FAM120A: variants seen among roughly 807,000 people sequenced by gnomAD.
FAM120A encodes the protein family with sequence similarity 120 member A.
A neutral mutation model predicts 109.7 loss-of-function variants in FAM120A; 15 were observed. The observed-to-expected ratio is 0.14, with a 90% CI of 0.09 to 0.21. The LOEUF is 0.21. FAM120A is among the 10% of genes least tolerant of loss of function. FAM120A has a pLI of 1.00. For missense variants in FAM120A, 899 were observed against 1,439.3 expected (o/e 0.62, Z 6.07); for synonymous variants, 493 against 572.8 (o/e 0.86, Z 1.99).
intron 3 of FAM120A, among the ~76,000 whole-genome samples, chr9:93,491,550 C>G (rs1291609254): frequency 1.3e-5 from 2 of 152,172 alleles, no homozygotes; most frequent in African/African-American, 4.8e-5. Context: ...TCCACCCAAA[C>G]AGTATCTATT....
rs114068858 is a variant in FAM120A at position 93,515,083 on chromosome 9, A to T, written c.1031-584A>T. On this transcript the variant is annotated intron_variant, in intron 5 of 17. Coordinates refer to ENST00000277165, the MANE Select transcript of FAM120A (RefSeq NM_014612.5). Reference sequence around the variant, plus strand: ...TTAAGAGAACACAGAATCACAAATTACTCATCCTGTATATGTGTTAAAATG... The same window carrying T: ...TTAAGAGAACACAGAATCACAAATTTCTCATCCTGTATATGTGTTAAAATG... Among the ~76,000 whole-genome samples, 1,260 of 146,390 alleles carry T rather than the reference A, an allele frequency of 8.6e-3. 16 individuals are homozygous for T. The highest frequency in any genetic ancestry group is 0.03 in the African/African-American group (1,213 of 41,114).
At chr9:93,508,201 G>T (rs573014550) in intron 5 of FAM120A, among the ~76,000 whole-genome samples, 1 of 152,216 alleles carries the variant, frequency 6.6e-6, no homozygotes, top group East Asian at 1.9e-4. Flanking sequence ...AGGCTGCTGT[G>T]TGTCAGAGAA....
chr9:93,511,141 C>T (rs1182924571), intron 5 of FAM120A, among the ~76,000 whole-genome samples: 3 of 151,946 alleles, frequency 2.0e-5, no homozygotes, highest in South Asian at 2.1e-4. Context: ...CCCGCTGTTC[C>T]GAATTCTTTC....
At chr9:93,492,724 G>A (rs1421823469) in intron 3 of FAM120A, among the ~76,000 whole-genome samples, 3 of 152,162 alleles carry the variant, frequency 2.0e-5, no homozygotes, top group African/African-American at 2.4e-5. Flanking sequence ...AATTATAAAC[G>A]GCCGGTGTTT....
Position 93,471,187 on chromosome 9 carries a change from G to T in FAM120A, c.521G>T (p.Cys174Phe). The T allele has an allele frequency of 6.2e-7, 1 of 1,614,168 alleles. No individual in the cohort carries two copies. The highest frequency in any genetic ancestry group is 8.5e-7 in the Non-Finnish European group (1 of 1,180,048). The change falls in exon 2 of 18, where the codon TGC (cysteine) becomes TTC (phenylalanine). Residue 174 changes from cysteine to phenylalanine, a missense_variant. By Grantham distance (205) the Cys-to-Phe change is radical (BLOSUM62 -2). Transcript: ENST00000277165. ...CACCATCAGGAAGTGATTGGTTTCT[G>T]CAGAGAGAATGGTTTCCATGGCTTG... Reference protein sequence around the residue: ...EDHHQEVIGFCRENGFHGLVA... With the variant: ...EDHHQEVIGFFRENGFHGLVA...
chr9:93,482,478 A>C (rs962109246), intron 3 of FAM120A, among the ~76,000 whole-genome samples: 1 of 152,216 alleles, frequency 6.6e-6, no homozygotes, highest in African/African-American at 2.4e-5. Flanking sequence ...GGCGTGAGCC[A>C]CTGTGCCTGG....
chr9:93,511,030 C>T (rs1251051111), intron 5 of FAM120A, among the ~76,000 whole-genome samples: 3 of 151,582 alleles, frequency 2.0e-5, no homozygotes, highest in Non-Finnish European at 4.4e-5. Flanking sequence ...ATGAGCAGTC[C>T]AGCAGTCAGT....
chr9:93,521,973 G>T (rs1860865844), intron 7 of FAM120A, among the ~76,000 whole-genome samples: 1 of 152,178 alleles, frequency 6.6e-6, no homozygotes, highest in South Asian at 2.1e-4. Flanking sequence ...CCAGCTACTT[G>T]GGAGGCTGAG....
chr9:93,537,164 T>G (rs560329225), intron 10 of FAM120A, among the ~76,000 whole-genome samples: 7 of 152,360 alleles, frequency 4.6e-5, no homozygotes, highest in African/African-American at 1.7e-4. Flanking sequence ...GTGGCGAGTT[T>G]CTTCTACTCG....
rs528942555 is a variant in FAM120A at position 93,549,132 on chromosome 9, A to G, written c.2160-1445A>G. On this transcript the variant is annotated intron_variant, in intron 11 of 17. Transcript: ENST00000277165. The stretch of plus-strand genomic sequence containing the variant: ...ATTTGTGGCAGTTAATCAATTGCAA[A>G]GGATGTGATTTTGTCATTGCAAATA... Among the ~76,000 whole-genome samples the G allele has an allele frequency of 2.6e-5, 4 of 152,352 alleles. No individual in the cohort carries two copies. In the South Asian group the frequency reaches 8.3e-4, roughly 32 times the overall value.
At chr9:93,556,345 C>G in intron 12 of FAM120A, 37 bp from the exon 13 acceptor site, 1 of 1,537,626 alleles carries the variant, frequency 6.5e-7, no homozygotes, top group Non-Finnish European at 9.0e-7. Flanking sequence ...TACTGTAGTA[C>G]TCTTATTCCA....
Position 93,461,589 on chromosome 9 carries a change from A to C in FAM120A, c.474+9200A>C, listed in dbSNP as rs1857792856. ...GTAGGCTAAATAGATTCTGAATACA[A>C]ATAATGTGTGTGTTTCTTCCTTTTA... On this transcript the variant is annotated intron_variant, in intron 1 of 17. Transcript: ENST00000277165. 2.6e-5 allele frequency among the ~76,000 whole-genome samples: 4 copies of C among 152,116 alleles called. No individual in the cohort carries two copies. The South Asian group carries it at 8.3e-4, about 32-fold the overall frequency.
At chr9:93,460,705 T>G (rs1291227263) in intron 1 of FAM120A, among the ~76,000 whole-genome samples, 1 of 152,212 alleles carries the variant, frequency 6.6e-6, no homozygotes, top group African/African-American at 2.4e-5. Flanking sequence ...ATCCAGCTCT[T>G]AGAGCGATGC....
intron 1 of FAM120A, among the ~76,000 whole-genome samples, chr9:93,465,570 ACT>A (rs1274452364): frequency 6.6e-6 from 1 of 151,566 alleles, no homozygotes. Context: ...TAGAATATTG[ACT>A]CTTTTTTTTT....
In FAM120A at chr9:93,499,469, G is replaced by A. The variant is rs1315698196; in HGVS notation, c.1030+583G>A. ...TGCCCAGCTAATTTTTGTATTTTTA[G>A]TAGAGATGGGGTTTCACCATGTTGG... On this transcript the variant is annotated intron_variant, in intron 5 of 17. Coordinates refer to ENST00000277165, the MANE Select transcript of FAM120A (RefSeq NM_014612.5). 5.9e-5 allele frequency among the ~76,000 whole-genome samples: 9 copies of A among 151,806 alleles called. No homozygotes were observed. The East Asian group carries it at 1.7e-3, about 29-fold the overall frequency.
In FAM120A at chr9:93,497,466, C is replaced by T. The variant is rs751738688; in HGVS notation, c.805-5C>T. ...CACTGTTGACACTTACGTTTGTTTT[C>T]TCAGGTCCGGGCCCACCAGCTGGTC... On this transcript the variant is annotated splice_polypyrimidine_tract_variant and splice_region_variant and intron_variant, in intron 3 of 17. Transcript: ENST00000277165. The T allele has an allele frequency of 1.2e-5, 20 of 1,612,308 alleles. No individual in the cohort carries two copies. Among genetic ancestry groups the T allele is most frequent in the Non-Finnish European group, 1.6e-5 (19 of 1,179,472 alleles).
At chr9:93,459,479 C>T (rs929672682) in intron 1 of FAM120A, among the ~76,000 whole-genome samples, 2 of 152,124 alleles carry the variant, frequency 1.3e-5, no homozygotes, top group African/African-American at 4.8e-5. Flanking sequence ...GATTGATTCT[C>T]CTTTCAGCAA....
At chr9:93,509,031 A>G (rs1564334402) in intron 5 of FAM120A, among the ~76,000 whole-genome samples, 1 of 152,252 alleles carries the variant, frequency 6.6e-6, no homozygotes, top group Non-Finnish European at 1.5e-5. Flanking sequence ...CATGCCACTC[A>G]GACCCTGGAG....
At chr9:93,562,480 G>C (rs776386530) in intron 17 of FAM120A, among the ~76,000 whole-genome samples, 176 bp downstream of exon 17, 13 of 152,054 alleles carry the variant, frequency 8.5e-5, no homozygotes, top group Non-Finnish European at 1.6e-4. Context: ...CCATTCCCTA[G>C]AGCCCAGATC....
Sources: allele counts gnomAD v4.1 joint callset (sites outside exome capture counted in the v4.1 genomes callset), GRCh38; gene constraint gnomAD v4.1.1; transcripts MANE v1.5; gene names NCBI Gene and HGNC (gene_info 2026-07-23, HGNC 2026-07-21).